ZC3H15: variants seen among roughly 807,000 people sequenced by gnomAD.
ZC3H15 encodes zinc finger CCCH-type containing 15.
ZC3H15 carries 15 observed loss-of-function variants against 51.2 expected under a neutral mutation model. The ratio of observed to expected loss-of-function variants is 0.29; its 90% CI spans 0.20 to 0.45. The LOEUF is 0.45. Ranked by LOEUF, ZC3H15 falls within the 20% of genes least tolerant of loss-of-function variation. ZC3H15 has a pLI of 1.00. For synonymous variants in ZC3H15, 144 were observed against 162.8 expected, an observed-to-expected ratio of 0.88 and a Z score of 0.88; for missense variants, 381 against 494.7, an observed-to-expected ratio of 0.77 and a Z score of 2.18.
Position 186,506,748 on chromosome 2 carries a change from A to T in ZC3H15, c.1002A>T (p.Leu334Phe). The T allele has an allele frequency of 6.2e-7, 1 of 1,613,692 alleles. No homozygotes were observed. Among genetic ancestry groups the T allele is most frequent in the Non-Finnish European group, 8.5e-7 (1 of 1,179,748 alleles). The stretch of plus-strand genomic sequence containing the variant: ...CAGTGAGTGTAAATGACATAGATTT[A>T]AGCCTGTACATCCCAAGAGATGTAG... ...DDSVSVNDID[L>F]SLYIPRDVDE... Residue 334 changes from leucine to phenylalanine, a missense_variant, in exon 9 of 10, where the codon TTA becomes TTT. Physicochemically the swap from Leu to Phe is conservative, Grantham distance 22. Transcript: ENST00000337859.
chr2:186,491,399 C>CT (rs1419751381), intron 1 of ZC3H15, among the ~76,000 whole-genome samples: 1 of 152,102 alleles, frequency 6.6e-6, no homozygotes, highest in African/African-American at 2.4e-5. Context: ...TATTATTACC[C>CT]TTTTTGCAGT....
chr2:186,503,304 G>A (rs565049237), intron 5 of ZC3H15, among the ~76,000 whole-genome samples: 1 of 152,166 alleles, frequency 6.6e-6, no homozygotes, highest in African/African-American at 2.4e-5. Context: ...TGTTCCTTTT[G>A]TACCTTGCTC....
At chr2:186,486,721 C>T (rs553777350) in intron 1 of ZC3H15, among the ~76,000 whole-genome samples, 3 of 146,804 alleles carry the variant, frequency 2.0e-5, no homozygotes, top group Admixed American at 6.8e-5. Context: ...TGCGAAATGA[C>T]CCCTCGGGAC....
intron 7 of ZC3H15, 41 bp from the exon 8 acceptor site, chr2:186,505,699 A>T: frequency 6.2e-7 from 1 of 1,607,408 alleles, no homozygotes; most frequent in Non-Finnish European, 8.5e-7. Flanking sequence ...AGGAATGTTT[A>T]GATTTTTGTC....
chr2:186,503,724 C>T (rs1311434800), intron 5 of ZC3H15, among the ~76,000 whole-genome samples: 13 of 152,036 alleles, frequency 8.6e-5, no homozygotes, highest in Admixed American at 3.3e-4. Flanking sequence ...GATTCGGGGG[C>T]GTACATTTAC....
chr2:186,504,607 G>A (rs1042412082), intron 6 of ZC3H15, among the ~76,000 whole-genome samples: 1 of 152,092 alleles, frequency 6.6e-6, no homozygotes. Context: ...CAACACTCTA[G>A]TTTTTAAATT....
At chr2:186,489,164 A>T (rs1685155435) in intron 1 of ZC3H15, 1 of 152,116 alleles carries the variant, frequency 6.6e-6, no homozygotes, top group Admixed American at 6.5e-5. Context: ...TGGTCCAGGG[A>T]CCTGATGAGC....
chr2:186,497,347 G>A (rs1222633083), intron 2 of ZC3H15, among the ~76,000 whole-genome samples: 5 of 152,116 alleles, frequency 3.3e-5, no homozygotes, highest in African/African-American at 1.2e-4. Flanking sequence ...CTTGATTCTA[G>A]AATCTAAAAC....
At chr2:186,503,910 T>C in intron 5 of ZC3H15, 122 bp from the exon 6 acceptor site, 1 of 723,698 alleles carries the variant, frequency 1.4e-6, no homozygotes. Flanking sequence ...TGTGCAGAAA[T>C]GAATAGAATG....
rs1685384151 is a variant in ZC3H15 at position 186,501,491 on chromosome 2, T to C, written c.442+66T>C. 3.0e-6 allele frequency: 4 copies of C among 1,317,916 alleles called. No homozygotes were observed. The Admixed American group carries it at 6.4e-5, about 21-fold the overall frequency. The allele number at this position is 1,317,916 out of a possible 1,614,324, so 81.6% of individuals were successfully genotyped here. On this transcript the variant is annotated intron_variant, in intron 4 of 9. Coordinates refer to ENST00000337859, the MANE Select transcript of ZC3H15 (RefSeq NM_018471.3). ...ATACTTTCGGTTTGCTACTAAGATATTTATTAAATTGAAGAACATTTCAAT... is the reference window on the plus strand; with the variant it reads ...ATACTTTCGGTTTGCTACTAAGATACTTATTAAATTGAAGAACATTTCAAT...
rs79804416 is a variant in ZC3H15, at chr2:186,500,385, A to G, written c.289+92A>G. The G allele has an allele frequency of 2.6e-3, 2,865 of 1,083,084 alleles. 51 individuals are homozygous for G. The African/African-American group carries it at 0.042, about 16-fold the overall frequency. The allele number at this position is 1,083,084 out of a possible 1,614,324, so 67.1% of individuals were successfully genotyped here. On this transcript the variant is annotated intron_variant, in intron 3 of 9. Coordinates refer to ENST00000337859, the MANE Select transcript of ZC3H15 (RefSeq NM_018471.3). ...TGATGTTTATTTTCTTTAGATAATG[A>G]GACAGTTATGTCTGAATGAAAATGT...
At chr2:186,508,464 T>C in intron 9 of ZC3H15, 79 bp from the exon 10 acceptor site, 1 of 1,221,300 alleles carries the variant, frequency 8.2e-7, no homozygotes, top group South Asian at 1.4e-5. Context: ...AAGTGTAGTA[T>C]CAGTCTATGT....
rs1685402735 is a variant in ZC3H15, at chr2:186,502,536, A to C, written c.483A>C (p.Val161=). ...DNWDEKKLEE[V]VNKKHGEAEK... ...GGGATGAGAAAAAGCTGGAAGAAGT[A>C]GTGAACAAGAAGCACGGTGAGGCGG... Residue 161 remains valine (V), a synonymous_variant, in exon 5 of 10, where the codon GTA becomes GTC. Transcript: ENST00000337859. The C allele has an allele frequency of 6.2e-7, 1 of 1,613,220 alleles. No homozygotes were observed. The highest frequency in any genetic ancestry group is 1.3e-5 in the African/African-American group (1 of 74,932).
intron 6 of ZC3H15, among the ~76,000 whole-genome samples, chr2:186,504,588 G>A (rs558464238): frequency 1.1e-4 from 17 of 152,142 alleles, no homozygotes; most frequent in Admixed American, 3.3e-4. Flanking sequence ...GCATATGTAC[G>A]GAAGAAGACA....
At chr2:186,505,633 C>T (rs778292643) in intron 7 of ZC3H15, 36 bp downstream of exon 7, 19 of 1,597,302 alleles carry the variant, frequency 1.2e-5, no homozygotes, top group Non-Finnish European at 1.5e-5. Flanking sequence ...ATTCTTTATT[C>T]TTCCATTTTC....
intron 2 of ZC3H15, chr2:186,496,980 G>T: frequency 1.6e-5 from 5 of 315,648 alleles, no homozygotes; most frequent in South Asian, 2.6e-5. Flanking sequence ...ATTTTTCCTG[G>T]TTGTTCTTAG....
In ZC3H15 at chr2:186,508,535, A is replaced by G. The variant is rs771870933; in HGVS notation, c.1091-8A>G. ...CTACGCCTTACTGATTCCAGTTTTT[A>G]TATTTAGAAAACAAATTAAGTGAAG... On this transcript the variant is annotated splice_region_variant and splice_polypyrimidine_tract_variant and intron_variant, in intron 9 of 9. Coordinates refer to ENST00000337859, the MANE Select transcript of ZC3H15 (RefSeq NM_018471.3). The G allele has an allele frequency of 9.9e-6, 16 of 1,612,908 alleles. No individual in the cohort carries two copies. The highest frequency in any genetic ancestry group is 1.3e-5 in the Non-Finnish European group (15 of 1,179,422).
At chr2:186,487,186 ATG>A (rs1353647894) in intron 1 of ZC3H15, 1 of 152,118 alleles carries the variant, frequency 6.6e-6, no homozygotes, top group Admixed American at 6.6e-5. Context: ...ATGTGTATAT[ATG>A]TGTGTGTATA....
chr2:186,508,377 T>C (rs974855267), intron 9 of ZC3H15, among the ~76,000 whole-genome samples, 166 bp from the exon 10 acceptor site: 2 of 152,204 alleles, frequency 1.3e-5, no homozygotes, highest in Non-Finnish European at 2.9e-5. Context: ...TTGGCACAGA[T>C]AAGCTCAGAA....
Sources: allele counts gnomAD v4.1 joint callset (sites outside exome capture counted in the v4.1 genomes callset), GRCh38; gene constraint gnomAD v4.1.1; transcripts MANE v1.5; gene names NCBI Gene and HGNC (gene_info 2026-07-23, HGNC 2026-07-21).